The following DNER variants were observed in gnomAD, a reference collection of about 807,000 sequenced individuals.
DNER encodes the protein delta/notch like EGF repeat containing, also known as delta and Notch-like epidermal growth factor-related receptor.
In DNER, 33 loss-of-function variants were observed where a neutral mutation model predicts 78.2. That is an observed-to-expected ratio of 0.42 (90% CI 0.32 to 0.56). The LOEUF (loss-of-function observed/expected upper bound fraction) is 0.56. Ranked by LOEUF, DNER falls within the 20% of genes least tolerant of loss-of-function variation. The pLI is 0.11. For synonymous variants in DNER, 417 were observed against 384.8 expected (o/e 1.08, Z -0.98); for missense variants, 918 against 975.3 (o/e 0.94, Z 0.78).
At chr2:229,425,492 A>G (rs1004102170) in intron 8 of DNER, among the ~76,000 whole-genome samples, 1 of 152,128 alleles carries the variant, frequency 6.6e-6, no homozygotes, top group Non-Finnish European at 1.5e-5. Context: ...AGAACAGGAC[A>G]CTTTGCTGCA....
intron 1 of DNER, among the ~76,000 whole-genome samples, chr2:229,671,519 TCTCC>T (rs1699208375): frequency 6.6e-6 from 1 of 152,220 alleles, no homozygotes; most frequent in Admixed American, 6.5e-5. Flanking sequence ...GTATTATCTG[TCTCC>T]CTCCACCCCC....
Position 229,714,492 on chromosome 2 carries a change from G to A in DNER, c.-69C>T. 3.7e-6 allele frequency: 4 copies of A among 1,077,672 alleles called. No individual in the cohort carries two copies. Among genetic ancestry groups the A allele is most frequent in the Admixed American group, 5.3e-5 (1 of 18,964 alleles). The allele number at this position is 1,077,672 out of a possible 1,614,324, so 66.8% of individuals were successfully genotyped here. On this transcript the variant is annotated 5_prime_UTR_variant, in exon 1 of 13. Coordinates refer to ENST00000341772, the MANE Select transcript of DNER (RefSeq NM_139072.4). ...CGGCGGCGGCGGTGGCAGTGGCGAC[G>A]AGAGCTGCGAGAGCGACGGTGGCGG...
At position 229,366,894 on chromosome 2, in the gene DNER, A is replaced by G. The variant is rs768087498; in HGVS notation, c.2081T>C (p.Ile694Thr). 15 of 1,614,178 alleles carry G rather than the reference A, an allele frequency of 9.3e-6. No homozygotes were observed. Among genetic ancestry groups the G allele is most frequent in the Non-Finnish European group, 1.2e-5 (14 of 1,180,028 alleles). ...RSIDSEFSNAIASIRHARFGK... is the reference protein window; with the variant it reads ...RSIDSEFSNATASIRHARFGK... ...CAACCTGGCATGCCGGATGGATGCA[A>G]TGGCATTGCTGAACTCGCTGTCGAT... The change falls in exon 12 of 13, where the codon ATT becomes ACT. Residue 694 changes from isoleucine (I) to threonine (T), a missense_variant. Ile to Thr is a moderately conservative substitution (Grantham distance 89, BLOSUM62 -1). Transcript: ENST00000341772.
intron 7 of DNER, among the ~76,000 whole-genome samples, chr2:229,459,116 C>T (rs992570482): frequency 6.6e-6 from 1 of 151,738 alleles, no homozygotes; most frequent in Admixed American, 6.6e-5. Context: ...TTAAAAATAC[C>T]CAAATAAATG....
chr2:229,625,276 G>T (rs530625215), intron 1 of DNER, among the ~76,000 whole-genome samples: 4 of 152,124 alleles, frequency 2.6e-5, no homozygotes, highest in Non-Finnish European at 5.9e-5. Context: ...GGGAGGGGTG[G>T]CAGGAGGAAG....
chr2:229,412,759 A>G lies in DNER; in HGVS notation c.1609+5349T>C, dbSNP rs368987118. 9.3e-4 allele frequency among the ~76,000 whole-genome samples: 141 copies of G among 152,312 alleles called. 1 individual carries two copies. The highest frequency in any genetic ancestry group is 1.7e-3 in the South Asian group (8 of 4,820). On this transcript the variant is annotated intron_variant, in intron 9 of 12. Coordinates refer to ENST00000341772, the MANE Select transcript of DNER (RefSeq NM_139072.4). ...AGAACCCCGTCAGGAATGAAGTTGC[A>G]GAAGACACAGCAAGGCGACGTGCAA...
chr2:229,360,472 G>A (rs1338269506), intron 12 of DNER, among the ~76,000 whole-genome samples: 2 of 152,096 alleles, frequency 1.3e-5, no homozygotes, highest in East Asian at 1.9e-4. Context: ...GTGCAGTGGC[G>A]TGGTCTCGGC....
At chr2:229,427,708 G>A (rs571060619) in intron 8 of DNER, among the ~76,000 whole-genome samples, 8 of 152,114 alleles carry the variant, frequency 5.3e-5, no homozygotes, top group Non-Finnish European at 7.3e-5. Flanking sequence ...AAAGACCCAC[G>A]GTAGAGGGAC....
intron 1 of DNER, among the ~76,000 whole-genome samples, chr2:229,685,568 G>C (rs576507500): frequency 1.3e-5 from 2 of 152,190 alleles, no homozygotes; most frequent in African/African-American, 4.8e-5. Context: ...CACTATTATC[G>C]TCATTAAAGA....
At chr2:229,571,370 C>G (rs1351276134) in intron 4 of DNER, among the ~76,000 whole-genome samples, 1 of 151,866 alleles carries the variant, frequency 6.6e-6, no homozygotes, top group Non-Finnish European at 1.5e-5. Flanking sequence ...TTGCTTTTCC[C>G]CTCCCACTCC....
At chr2:229,538,821 G>A (rs113013008) in intron 5 of DNER, among the ~76,000 whole-genome samples, 8,847 of 152,232 alleles carry the variant, frequency 0.058, 865 homozygotes, top group African/African-American at 0.2. Flanking sequence ...TTACAGGCGT[G>A]AGCCCCCGTG....
At chr2:229,443,705 G>A (rs1339526038) in intron 8 of DNER, among the ~76,000 whole-genome samples, 4 of 152,142 alleles carry the variant, frequency 2.6e-5, no homozygotes, top group Admixed American at 6.5e-5. Context: ...AATGAGATCC[G>A]TTTGCTCTCT....
intron 11 of DNER, among the ~76,000 whole-genome samples, chr2:229,373,685 A>C (rs1692538014): frequency 6.6e-6 from 1 of 152,220 alleles, no homozygotes; most frequent in Non-Finnish European, 1.5e-5. Context: ...GAATCAACCA[A>C]GGTGCCTGCC....
intron 1 of DNER, among the ~76,000 whole-genome samples, chr2:229,610,894 C>T (rs552310684): frequency 6.6e-6 from 1 of 152,364 alleles, no homozygotes; most frequent in Non-Finnish European, 1.5e-5. Flanking sequence ...CAAGGCACCA[C>T]AGATTATATT....
intron 1 of DNER, among the ~76,000 whole-genome samples, chr2:229,634,685 G>C (rs1315539244): frequency 1.3e-5 from 2 of 152,164 alleles, no homozygotes; most frequent in Non-Finnish European, 2.9e-5. Flanking sequence ...GCAGAATTGG[G>C]AACTGGGGAA....
intron 4 of DNER, among the ~76,000 whole-genome samples, chr2:229,571,055 C>G (rs867862231): frequency 6.6e-6 from 1 of 151,964 alleles, no homozygotes; most frequent in Non-Finnish European, 1.5e-5. Context: ...TGGGGTGAAG[C>G]GGGGAGGCCA....
intron 7 of DNER, among the ~76,000 whole-genome samples, chr2:229,450,130 G>A (rs984553591): frequency 1.3e-5 from 2 of 152,204 alleles, no homozygotes; most frequent in Non-Finnish European, 2.9e-5. Context: ...TCCTCCAGAA[G>A]AACTGAACTA....
intron 11 of DNER, among the ~76,000 whole-genome samples, chr2:229,385,723 T>G (rs1415576917): frequency 6.6e-6 from 1 of 152,058 alleles, no homozygotes; most frequent in Admixed American, 6.6e-5. Flanking sequence ...TCATTCACAA[T>G]TGCGACAGAG....
At chr2:229,497,354 T>A (rs530382327) in intron 6 of DNER, among the ~76,000 whole-genome samples, 1 of 150,826 alleles carries the variant, frequency 6.6e-6, no homozygotes, top group Admixed American at 6.6e-5. Context: ...AAAAGAAAGA[T>A]CTCAAATAAA....
Sources: allele counts gnomAD v4.1 joint callset (sites outside exome capture counted in the v4.1 genomes callset), GRCh38; gene constraint gnomAD v4.1.1; transcripts MANE v1.5; gene names NCBI Gene and HGNC (gene_info 2026-07-23, HGNC 2026-07-21).